The following MSRA variants were observed in gnomAD, a reference collection of about 807,000 sequenced individuals.
MSRA encodes mitochondrial peptide methionine sulfoxide reductase.
A neutral mutation model predicts 31.3 loss-of-function variants in MSRA; 54 were observed. That is an observed-to-expected ratio of 1.73 (90% CI 1.39 to 2.17). MSRA has a LOEUF of 2.17. MSRA is among the 30% of genes most tolerant of loss of function. The probability of loss-of-function intolerance (pLI) is 0.00; values close to 1 mark genes in which losing one functional copy is unlikely to be tolerated. For missense variants in MSRA, 507 were observed against 300.9 expected (o/e 1.69, Z -5.07); for synonymous variants, 169 against 116.5 (o/e 1.45, Z -2.90).
chr8:10,217,861 C>T (rs1238321420), intron 2 of MSRA, among the ~76,000 whole-genome samples: 8 of 152,122 alleles, frequency 5.3e-5, no homozygotes, highest in African/African-American at 7.2e-5. Context: ...TGAGCCAGAT[C>T]GCGTATACAT....
At chr8:10,112,322 C>G (rs567648999) in intron 1 of MSRA, among the ~76,000 whole-genome samples, 1 of 152,296 alleles carries the variant, frequency 6.6e-6, no homozygotes, top group African/African-American at 2.4e-5. Context: ...TCAACACCTA[C>G]TTTTTCTTAA....
At chr8:10,364,383 G>A (rs189307994) in intron 5 of MSRA, among the ~76,000 whole-genome samples, 3 of 152,202 alleles carry the variant, frequency 2.0e-5, no homozygotes, top group Admixed American at 1.3e-4. Context: ...GGGAGATGCT[G>A]TTGTGTCTCG....
intron 3 of MSRA, among the ~76,000 whole-genome samples, chr8:10,266,980 A>C (rs959397597): frequency 1.3e-5 from 2 of 152,226 alleles, no homozygotes; most frequent in Admixed American, 1.3e-4. Flanking sequence ...CATTAAGGGC[A>C]ATCAGTGTTT....
chr8:10,074,000 G>C lies in MSRA; in HGVS notation c.142+19342G>C, dbSNP rs535803455. On this transcript the variant is annotated intron_variant, in intron 1 of 5. Coordinates refer to ENST00000317173, the MANE Select transcript of MSRA (RefSeq NM_012331.5). ...TCTAGGGGAGTGTTGCTTTCTATAC[G>C]TGACAGTTCTTCACTTTTTAGTTAC... Among the ~76,000 whole-genome samples, 3 of 135,572 alleles carry C rather than the reference G, an allele frequency of 2.2e-5. No homozygotes were observed. The South Asian group carries it at 7.2e-4, about 33-fold the overall frequency. 88.9% of individuals were successfully genotyped at this position (135,572 alleles called of 152,430 possible). A position where few individuals can be genotyped will look rare whatever the true frequency, so the allele number is the denominator to read the frequency against.
chr8:10,304,428 T>C (rs552016867), intron 4 of MSRA, among the ~76,000 whole-genome samples: 3 of 152,260 alleles, frequency 2.0e-5, no homozygotes, highest in East Asian at 1.9e-4. Context: ...AAAACAAGTA[T>C]GTGTTAGCAC....
At chr8:10,216,555 A>G (rs917954168) in intron 2 of MSRA, among the ~76,000 whole-genome samples, 16 of 152,216 alleles carry the variant, frequency 1.1e-4, no homozygotes, top group African/African-American at 3.6e-4. Flanking sequence ...GGGAAGCTCC[A>G]TAGACACTAA....
chr8:10,062,290 T>C lies in MSRA; in HGVS notation c.142+7632T>C, dbSNP rs1797242782. Among the ~76,000 whole-genome samples, 3 of 152,174 alleles carry C rather than the reference T, an allele frequency of 2.0e-5. 1 individual carries two copies. The South Asian group carries it at 6.2e-4, about 32-fold the overall frequency. ...GTTTCAGCTGACATCGGCAACCCTC[T>C]GGGGATGTATGGAAGACTGAATTCT... On this transcript the variant is annotated intron_variant, in intron 1 of 5. Coordinates refer to ENST00000317173, the MANE Select transcript of MSRA (RefSeq NM_012331.5).
intron 1 of MSRA, among the ~76,000 whole-genome samples, chr8:10,090,706 G>C (rs545298558): frequency 1.3e-5 from 2 of 152,276 alleles, no homozygotes; most frequent in East Asian, 3.9e-4. Context: ...CCTCTGCCCA[G>C]GTCCCAGCAA....
intron 1 of MSRA, among the ~76,000 whole-genome samples, chr8:10,200,276 G>A (rs764968560): frequency 1.3e-5 from 2 of 152,306 alleles, no homozygotes; most frequent in Middle Eastern, 3.4e-3. Context: ...TTTGTTTTTC[G>A]TGCTGTGATT....
intron 1 of MSRA, among the ~76,000 whole-genome samples, chr8:10,080,852 C>G (rs1218519444): frequency 6.6e-6 from 1 of 152,118 alleles, no homozygotes; most frequent in African/African-American, 2.4e-5. Flanking sequence ...GCAGCCTCAT[C>G]TTGAGTGTGA....
chr8:10,107,378 A>T (rs148710835), intron 1 of MSRA, among the ~76,000 whole-genome samples: 55 of 152,094 alleles, frequency 3.6e-4, no homozygotes, highest in African/African-American at 1.3e-3. Flanking sequence ...ACCGATGAAA[A>T]TCTCCTTTTC....
chr8:10,217,054 T>C (rs1209608768), intron 2 of MSRA, among the ~76,000 whole-genome samples: 1 of 152,246 alleles, frequency 6.6e-6, no homozygotes, highest in Non-Finnish European at 1.5e-5. Context: ...TCTGTATCCT[T>C]GCCAACCCTT....
chr8:10,371,482 T>C (rs1805472899), intron 5 of MSRA, among the ~76,000 whole-genome samples: 1 of 152,126 alleles, frequency 6.6e-6, no homozygotes, highest in South Asian at 2.1e-4. Flanking sequence ...CATAATTGTT[T>C]ACTTCTCGTT....
chr8:10,302,709 C>G (rs1381748680), intron 4 of MSRA, among the ~76,000 whole-genome samples: 1 of 152,118 alleles, frequency 6.6e-6, no homozygotes. Context: ...AGGATCCACG[C>G]AGATCTATCA....
rs558715218 is a variant in MSRA at position 10,204,919 on chromosome 8, G to A, written c.143-2914G>A. ...TCCCTGAGCTTGCAGTCTACTGATA[G>A]ATGCAGTCCCTGTACAAACAGTGGC... On this transcript the variant is annotated intron_variant, in intron 1 of 5. Coordinates refer to ENST00000317173, the MANE Select transcript of MSRA (RefSeq NM_012331.5). Among the ~76,000 whole-genome samples the A allele has an allele frequency of 2.6e-5, 4 of 152,222 alleles. No homozygotes were observed. The South Asian group carries it at 8.3e-4, about 32-fold the overall frequency.
At chr8:10,367,497 G>A (rs1031860434) in intron 5 of MSRA, among the ~76,000 whole-genome samples, 1 of 152,126 alleles carries the variant, frequency 6.6e-6, no homozygotes, top group Non-Finnish European at 1.5e-5. Context: ...GAGGGCTTCC[G>A]TATTAGCAGG....
intron 5 of MSRA, among the ~76,000 whole-genome samples, chr8:10,365,691 G>C (rs547829359): frequency 4.6e-5 from 7 of 152,300 alleles, no homozygotes; most frequent in Non-Finnish European, 8.8e-5. Context: ...CAGTTGTCCC[G>C]GTTTCAGGGA....
intron 5 of MSRA, among the ~76,000 whole-genome samples, chr8:10,328,204 AC>A (rs1359067279): frequency 6.8e-6 from 1 of 147,096 alleles, no homozygotes; most frequent in Admixed American, 6.7e-5. Flanking sequence ...GATTATTGCC[AC>A]CCCCTGTAAA....
rs1039505034 is a variant in MSRA, at chr8:10,329,416, T to A, written c.543+9427T>A. On this transcript the variant is annotated intron_variant, in intron 5 of 5. Transcript: ENST00000317173. Reference sequence around the variant, plus strand: ...CTCTGTGGCCACCTGCCTCATCCTCTTCTGGGCATCTGATCTCGTCCTGCA... The same window carrying A: ...CTCTGTGGCCACCTGCCTCATCCTCATCTGGGCATCTGATCTCGTCCTGCA... 1.8e-4 allele frequency among the ~76,000 whole-genome samples: 27 copies of A among 152,172 alleles called. 1 individual carries two copies. The highest frequency in any genetic ancestry group is 5.9e-5 in the Non-Finnish European group (4 of 68,024).
Sources: allele counts gnomAD v4.1 joint callset (sites outside exome capture counted in the v4.1 genomes callset), GRCh38; gene constraint gnomAD v4.1.1; transcripts MANE v1.5; gene names NCBI Gene and HGNC (gene_info 2026-07-23, HGNC 2026-07-21).